Variants in ATAD2B observed in about 807,000 individuals in gnomAD.
ATAD2B encodes the protein ATPase family AAA domain-containing protein 2B.
ATAD2B carries 40 observed loss-of-function variants against 167.6 expected under a neutral mutation model. The ratio of observed to expected loss-of-function variants is 0.24; its 90% CI spans 0.19 to 0.31. The LOEUF (loss-of-function observed/expected upper bound fraction) is 0.31, where lower values mean the gene tolerates loss of function less well. Ranked by LOEUF, ATAD2B falls within the 10% of genes least tolerant of loss-of-function variation. The probability of loss-of-function intolerance (pLI) is 1.00; values close to 1 mark genes in which losing one functional copy is unlikely to be tolerated. For missense variants in ATAD2B, 1,242 were observed against 1,757.2 expected (o/e 0.71, Z 5.24); for synonymous variants, 579 against 596.5 (o/e 0.97, Z 0.43).
the ATAD2B span, among the ~76,000 whole-genome samples, chr2:23,694,535 G>A: frequency 6.6e-5 from 10 of 152,090 alleles, no homozygotes; most frequent in Admixed American, 2.6e-4. Context: ...TTGCCTCGTC[G>A]ACTCCACAGG....
chr2:23,901,478 T>C (rs1700834125), intron 1 of ATAD2B, among the ~76,000 whole-genome samples: 1 of 152,126 alleles, frequency 6.6e-6, no homozygotes, highest in Admixed American at 6.6e-5. Flanking sequence ...CTTAGCATTA[T>C]ATATTTATCA....
chr2:23,715,768 A>G, the ATAD2B span, among the ~76,000 whole-genome samples: 2 of 152,208 alleles, frequency 1.3e-5, no homozygotes, highest in Non-Finnish European at 2.9e-5. Context: ...GAAACATTCC[A>G]AAGATTTGTG....
the ATAD2B span, among the ~76,000 whole-genome samples, chr2:23,699,455 C>T: frequency 0.099 from 15,069 of 152,214 alleles, 854 homozygotes; most frequent in Middle Eastern, 0.17. Flanking sequence ...CCAAGGAACC[C>T]GACAGAAACA....
the ATAD2B span, among the ~76,000 whole-genome samples, chr2:23,705,013 G>A: frequency 6.6e-6 from 1 of 152,216 alleles, no homozygotes; most frequent in Non-Finnish European, 1.5e-5. Flanking sequence ...ACAGGCGGTT[G>A]GACCAGACAA....
At chr2:23,826,503 ACT>A (rs1688281066) in intron 15 of ATAD2B, among the ~76,000 whole-genome samples, 1 of 152,216 alleles carries the variant, frequency 6.6e-6, no homozygotes. Context: ...CAATTCTAAT[ACT>A]CTGTGAACAC....
intron 9 of ATAD2B, among the ~76,000 whole-genome samples, chr2:23,869,248 T>A (rs914343279): frequency 3.3e-5 from 5 of 152,192 alleles, no homozygotes; most frequent in Non-Finnish European, 7.4e-5. Flanking sequence ...AAAGTAATTT[T>A]TTCCAATAAA....
At chr2:23,885,643 A>C in intron 5 of ATAD2B, 84 bp downstream of exon 5, 1 of 737,530 alleles carries the variant, frequency 1.4e-6, no homozygotes, top group Non-Finnish European at 2.2e-6. Flanking sequence ...TAATTCAAAA[A>C]CATCCAACTG....
the ATAD2B span, among the ~76,000 whole-genome samples, chr2:23,710,460 G>A: frequency 3.3e-5 from 5 of 152,204 alleles, no homozygotes; most frequent in African/African-American, 4.8e-5. Context: ...CGTGAACCCC[G>A]TGAGCAGTGA....
chr2:23,877,289 A>C (rs1697015646), intron 7 of ATAD2B, among the ~76,000 whole-genome samples: 1 of 151,510 alleles, frequency 6.6e-6, no homozygotes, highest in South Asian at 2.1e-4. Context: ...AGTTCGAGCC[A>C]GCCTGACCAA....
chr2:23,881,360 C>CTTTT (rs11361642), intron 6 of ATAD2B, among the ~76,000 whole-genome samples: 2 of 80,204 alleles, frequency 2.5e-5, no homozygotes, highest in Non-Finnish European at 4.7e-5. Context: ...GTGATCAATT[C>CTTTT]TTTTTTTTTT....
At chr2:23,762,047 T>C (rs1676812144) in intron 24 of ATAD2B, among the ~76,000 whole-genome samples, 162 bp downstream of exon 24, 1 of 152,158 alleles carries the variant, frequency 6.6e-6, no homozygotes, top group Admixed American at 6.5e-5. Context: ...AAGAAATATA[T>C]TTCTGATTCA....
At chr2:23,806,426 T>TA (rs1420662918) in intron 18 of ATAD2B, among the ~76,000 whole-genome samples, 1 of 152,230 alleles carries the variant, frequency 6.6e-6, no homozygotes, top group Non-Finnish European at 1.5e-5. Flanking sequence ...TCTTCTGTTC[T>TA]ATTACTTTGT....
At chr2:23,909,341 C>G (rs1330042807) in intron 1 of ATAD2B, among the ~76,000 whole-genome samples, 1 of 151,640 alleles carries the variant, frequency 6.6e-6, no homozygotes, top group Non-Finnish European at 1.5e-5. Context: ...TCTAGGAGGT[C>G]AAGGCTGCAG....
chr2:23,840,766 T>G (rs1212987715), intron 13 of ATAD2B, among the ~76,000 whole-genome samples: 1 of 152,220 alleles, frequency 6.6e-6, no homozygotes, highest in Non-Finnish European at 1.5e-5. Context: ...TAAATGATTT[T>G]TTTGCTCAGC....
chr2:23,824,489 C>T (rs1390437661), intron 15 of ATAD2B, among the ~76,000 whole-genome samples: 2 of 152,148 alleles, frequency 1.3e-5, no homozygotes, highest in Non-Finnish European at 2.9e-5. Context: ...CAACTATTAA[C>T]ATTCAGTTAC....
intron 7 of ATAD2B, among the ~76,000 whole-genome samples, chr2:23,879,631 T>A (rs1697557145): frequency 6.6e-6 from 1 of 152,118 alleles, no homozygotes; most frequent in South Asian, 2.1e-4. Context: ...AAGATAAACT[T>A]TTAACTTTTT....
chr2:23,770,031 C>G (rs1006014624), intron 22 of ATAD2B, among the ~76,000 whole-genome samples: 1 of 151,500 alleles, frequency 6.6e-6, no homozygotes, highest in Non-Finnish European at 1.5e-5. Context: ...TGAGGTTGAC[C>G]GGACACAGTA....
At chr2:23,704,729 G>A in the ATAD2B span, among the ~76,000 whole-genome samples, 1 of 151,982 alleles carries the variant, frequency 6.6e-6, no homozygotes, top group African/African-American at 2.4e-5. Flanking sequence ...ATCGCGCCAC[G>A]GCACTCCAGC....
At chr2:23,906,098 A>G (rs954125530) in intron 1 of ATAD2B, among the ~76,000 whole-genome samples, 6 of 152,122 alleles carry the variant, frequency 3.9e-5, no homozygotes, top group Non-Finnish European at 7.4e-5. Context: ...ATACTTTGGG[A>G]AGCAGAGGCG....
Sources: allele counts gnomAD v4.1 joint callset (sites outside exome capture counted in the v4.1 genomes callset), GRCh38; gene constraint gnomAD v4.1.1; transcripts MANE v1.5; gene names NCBI Gene and HGNC (gene_info 2026-07-23, HGNC 2026-07-21).